GJB7: variants seen among roughly 807,000 people sequenced by gnomAD.
The protein encoded by GJB7 is gap junction beta-7 protein.
For missense variants in GJB7, 253 were observed against 256.8 expected (o/e 0.99, Z 0.10); for synonymous variants, 87 against 95.2 (o/e 0.91, Z 0.50).
At chr6:87,310,777 C>G (rs955392884) in intron 2 of GJB7, among the ~76,000 whole-genome samples, 1 of 152,124 alleles carries the variant, frequency 6.6e-6, no homozygotes, top group Non-Finnish European at 1.5e-5. Context: ...TAAATGGATA[C>G]TAATCGCCAA....
intron 2 of GJB7, among the ~76,000 whole-genome samples, chr6:87,314,659 G>T (rs1405872975): frequency 6.6e-6 from 1 of 152,028 alleles, no homozygotes; most frequent in Non-Finnish European, 1.5e-5. Context: ...GGCCCCTCAG[G>T]GTCTATGGAT....
At chr6:87,303,423 ACAAAGAAGGC>A (rs1363150622) in intron 2 of GJB7, among the ~76,000 whole-genome samples, 1 of 152,238 alleles carries the variant, frequency 6.6e-6, no homozygotes, top group Non-Finnish European at 1.5e-5. Context: ...ATCAAAAGAG[ACAAAGAAGGC>A]CATTACATAA....
chr6:87,324,411 T>A (rs1351547396), intron 1 of GJB7, among the ~76,000 whole-genome samples: 3 of 151,696 alleles, frequency 2.0e-5, no homozygotes, highest in Non-Finnish European at 4.4e-5. Context: ...AGGTCTAACG[T>A]TTAAGTCTTT....
At chr6:87,321,379 A>C (rs911755570) in intron 2 of GJB7, among the ~76,000 whole-genome samples, 5 of 152,178 alleles carry the variant, frequency 3.3e-5, no homozygotes, top group Non-Finnish European at 7.4e-5. Flanking sequence ...AGGTCCCACT[A>C]TGTGTCACGT....
At chr6:87,286,200 C>G (rs1776057111) in intron 2 of GJB7, among the ~76,000 whole-genome samples, 1 of 152,186 alleles carries the variant, frequency 6.6e-6, no homozygotes, top group Admixed American at 6.5e-5. Context: ...AGCTCCCTGC[C>G]TCATGATGAT....
At position 87,289,655 on chromosome 6, in the gene GJB7, C is replaced by A. The variant is rs114805926; in HGVS notation, c.-27-4716G>T. ...TAAACAATGTGCCTGACTTTCTGAA[C>A]TTTTGGAAATGAGTGCCAGTTCTGA... On this transcript the variant is annotated intron_variant, in intron 2 of 2. Coordinates refer to ENST00000525899, the MANE Select transcript of GJB7 (RefSeq NM_198568.3). Among the ~76,000 whole-genome samples the A allele has an allele frequency of 3.3e-3, 499 of 152,272 alleles. 2 individuals carry two copies. Among genetic ancestry groups the A allele is most frequent in the African/African-American group, 0.012 (481 of 41,544 alleles).
intron 2 of GJB7, among the ~76,000 whole-genome samples, chr6:87,291,328 A>G (rs935650930): frequency 9.8e-5 from 15 of 152,332 alleles, no homozygotes; most frequent in African/African-American, 3.6e-4. Context: ...AAAATAATAT[A>G]AAAAACACTT....
At chr6:87,321,583 T>C (rs1776662912) in intron 2 of GJB7, among the ~76,000 whole-genome samples, 1 of 152,174 alleles carries the variant, frequency 6.6e-6, no homozygotes, top group African/African-American at 2.4e-5. Context: ...TTTTTTGAGA[T>C]TACCTTGGCC....
At chr6:87,290,424 T>A (rs1034974979) in intron 2 of GJB7, among the ~76,000 whole-genome samples, 4 of 152,166 alleles carry the variant, frequency 2.6e-5, no homozygotes, top group African/African-American at 9.7e-5. Flanking sequence ...TCATTCCCCA[T>A]CTGAATGAGG....
chr6:87,305,259 T>C (rs572160838), intron 2 of GJB7, among the ~76,000 whole-genome samples: 31 of 152,176 alleles, frequency 2.0e-4, no homozygotes, highest in Middle Eastern at 3.4e-3. Context: ...GATGACATGA[T>C]TGTATATCTA....
At chr6:87,295,621 C>T (rs1776238034) in intron 2 of GJB7, among the ~76,000 whole-genome samples, 1 of 152,124 alleles carries the variant, frequency 6.6e-6, no homozygotes, top group South Asian at 2.1e-4. Context: ...AGTGAGTTTT[C>T]AACCTTTTTC....
At chr6:87,306,115 G>A (rs935849714) in intron 2 of GJB7, among the ~76,000 whole-genome samples, 1 of 151,890 alleles carries the variant, frequency 6.6e-6, no homozygotes, top group African/African-American at 2.4e-5. Flanking sequence ...ACATAGGCAT[G>A]GGCAAGGACT....
chr6:87,322,076 C>T (rs1562217854), intron 2 of GJB7, among the ~76,000 whole-genome samples: 1 of 152,170 alleles, frequency 6.6e-6, no homozygotes, highest in South Asian at 2.1e-4. Flanking sequence ...ACTTAAACAT[C>T]AGCAAAGTAT....
intron 2 of GJB7, chr6:87,299,953 TG>T: frequency 3.1e-6 from 1 of 320,872 alleles, no homozygotes; most frequent in Admixed American, 3.7e-5. Context: ...AACTTTCAGA[TG>T]GAGTAGCAGT....
chr6:87,308,744 C>T (rs6454601), intron 2 of GJB7, among the ~76,000 whole-genome samples: 15,532 of 151,942 alleles, frequency 0.1, 838 homozygotes, highest in East Asian at 0.13. Flanking sequence ...GGAAAACTTA[C>T]TGAGGCATAT....
chr6:87,294,762 A>G (rs998181919), intron 2 of GJB7, among the ~76,000 whole-genome samples: 1 of 152,192 alleles, frequency 6.6e-6, no homozygotes, highest in Non-Finnish European at 1.5e-5. Flanking sequence ...TAGCAACTTG[A>G]GATGTTTAGC....
At chr6:87,292,277 T>G (rs957510210) in intron 2 of GJB7, among the ~76,000 whole-genome samples, 9 of 152,240 alleles carry the variant, frequency 5.9e-5, no homozygotes, top group Admixed American at 5.2e-4. Flanking sequence ...GTGTGTTTCA[T>G]CTCTTTAAAT....
intron 2 of GJB7, among the ~76,000 whole-genome samples, chr6:87,296,409 T>C (rs1776250207): frequency 6.6e-6 from 1 of 152,216 alleles, no homozygotes. Flanking sequence ...TAAATCCTTA[T>C]ACTTTAAATG....
At chr6:87,285,979 T>C (rs1776052814) in intron 2 of GJB7, among the ~76,000 whole-genome samples, 1 of 152,242 alleles carries the variant, frequency 6.6e-6, no homozygotes, top group Non-Finnish European at 1.5e-5. Context: ...CTTGCATTCC[T>C]GAAACTTCTT....
Sources: gnomAD v4.1 joint callset for allele counts (sites outside exome capture counted in the v4.1 genomes callset) on GRCh38, gnomAD v4.1.1 for gene constraint, MANE v1.5 for transcripts, NCBI Gene and HGNC (gene_info 2026-07-23, HGNC 2026-07-21) for gene names.